SYNJ2BP: variants seen among roughly 807,000 people sequenced by gnomAD.
SYNJ2BP encodes the protein synaptojanin 2 binding protein.
SYNJ2BP carries 10 observed loss-of-function variants against 16.9 expected under a neutral mutation model. The observed-to-expected ratio is 0.59, with a 90% CI of 0.36 to 1.00. SYNJ2BP has a LOEUF of 1.00. Ranked by LOEUF, SYNJ2BP falls within the 50% of genes least tolerant of loss-of-function variation. SYNJ2BP has a pLI of 0.01. For missense variants in SYNJ2BP, 162 were observed against 186.7 expected (o/e 0.87, Z 0.77); for synonymous variants, 54 against 68.4 (o/e 0.79, Z 1.04).
chr14:70,391,003 C>A (rs1016681717), intron 1 of SYNJ2BP, among the ~76,000 whole-genome samples: 1 of 151,920 alleles, frequency 6.6e-6, no homozygotes, highest in Non-Finnish European at 1.5e-5. Flanking sequence ...CGCGTGGTGG[C>A]ACATGACCAA....
At chr14:70,398,222 A>T (rs1888149682) in intron 1 of SYNJ2BP, among the ~76,000 whole-genome samples, 1 of 152,178 alleles carries the variant, frequency 6.6e-6, no homozygotes, top group Admixed American at 6.5e-5. Context: ...AGCCACAGAC[A>T]GCCCAGAAAA....
At chr14:70,390,444 G>A (rs1887955884) in intron 1 of SYNJ2BP, among the ~76,000 whole-genome samples, 1 of 152,026 alleles carries the variant, frequency 6.6e-6, no homozygotes, top group Non-Finnish European at 1.5e-5. Context: ...CAAGGCAGGT[G>A]GATCACAAGG....
intron 1 of SYNJ2BP, among the ~76,000 whole-genome samples, chr14:70,390,674 A>AT (rs886733046): frequency 6.6e-4 from 100 of 151,760 alleles, no homozygotes; most frequent in African/African-American, 2.3e-3. Context: ...TCTCAAAAAA[A>AT]AAAATAAAAA....
rs1022475615 is a variant in SYNJ2BP at position 70,373,150 on chromosome 14, T to C, written c.298-19A>G. On this transcript the variant is annotated intron_variant, in intron 3 of 3. Transcript: ENST00000256366. ...CCTGTAACTGGAAGGGAAAGAAAAA[T>C]GTTAACTCTAGTGACTAATGTGTGT... The C allele has an allele frequency of 3.1e-6, 5 of 1,612,996 alleles. No individual in the cohort carries two copies. The highest frequency in any genetic ancestry group is 2.7e-5 in the African/African-American group (2 of 74,790).
chr14:70,387,061 TCCGAAGCCCTA>T (rs1328787940), intron 2 of SYNJ2BP, among the ~76,000 whole-genome samples: 21 of 152,178 alleles, frequency 1.4e-4, no homozygotes, highest in African/African-American at 5.1e-4. Context: ...AGGATAGGGC[TCCGAAGCCCTA>T]TCCTATTTCA....
At chr14:70,376,225 T>A (rs976269538) in intron 2 of SYNJ2BP, among the ~76,000 whole-genome samples, 2 of 152,236 alleles carry the variant, frequency 1.3e-5, no homozygotes, top group Non-Finnish European at 2.9e-5. Flanking sequence ...TTTATTTTGA[T>A]GTCATATAAA....
Position 70,367,571 on chromosome 14 carries a change from A to AG in SYNJ2BP, c.*5419_*5420insC, listed in dbSNP as rs1167307418. ...AGCAAGACTCCGTCTCAAAAAAAAA[A>AG]AAAAAAAAAAAAAAAAGAAAAGAAA... On this transcript the variant is annotated 3_prime_UTR_variant, in exon 4 of 4. Transcript: ENST00000256366. 2 of 150,852 alleles carry AG rather than the reference A, an allele frequency of 1.3e-5. No homozygotes were observed. The highest frequency in any genetic ancestry group is 2.9e-5 in the Non-Finnish European group (2 of 67,916). The allele number at this position is 150,852 out of a possible 1,614,324, so 9.3% of individuals were successfully genotyped here.
chr14:70,395,115 C>T (rs1262669491), intron 1 of SYNJ2BP, among the ~76,000 whole-genome samples: 1 of 152,178 alleles, frequency 6.6e-6, no homozygotes, highest in Admixed American at 6.5e-5. Flanking sequence ...GGTTGTAGAA[C>T]AATCTCCAAG....
At chr14:70,416,257 A>T (rs996094311) in intron 1 of SYNJ2BP, among the ~76,000 whole-genome samples, 11 of 152,128 alleles carry the variant, frequency 7.2e-5, no homozygotes, top group Admixed American at 2.0e-4. Context: ...AATAAATAAA[A>T]TAAATCTGTA....
At chr14:70,416,419 T>C (rs1258584675) in intron 1 of SYNJ2BP, among the ~76,000 whole-genome samples, 1 of 151,904 alleles carries the variant, frequency 6.6e-6, no homozygotes, top group Non-Finnish European at 1.5e-5. Flanking sequence ...TGCTTTAACA[T>C]TCTAGTTGAC....
At chr14:70,396,094 A>C (rs1416818629) in intron 1 of SYNJ2BP, among the ~76,000 whole-genome samples, 1 of 152,104 alleles carries the variant, frequency 6.6e-6, no homozygotes, top group East Asian at 1.9e-4. Context: ...GTGTACAAAT[A>C]TCTGTTTTGA....
At chr14:70,390,434 C>T (rs1425248526) in intron 1 of SYNJ2BP, among the ~76,000 whole-genome samples, 1 of 152,038 alleles carries the variant, frequency 6.6e-6, no homozygotes, top group Non-Finnish European at 1.5e-5. Context: ...TTTGGGAGGC[C>T]AAGGCAGGTG....
intron 1 of SYNJ2BP, among the ~76,000 whole-genome samples, chr14:70,391,814 A>G (rs140020733): frequency 2.9e-4 from 44 of 152,372 alleles, no homozygotes; most frequent in Middle Eastern, 3.4e-3. Flanking sequence ...AAGTCATATT[A>G]TATAGGTACA....
At chr14:70,410,276 T>TA (rs1443025407) in intron 1 of SYNJ2BP, among the ~76,000 whole-genome samples, 24 of 151,852 alleles carry the variant, frequency 1.6e-4, no homozygotes, top group Non-Finnish European at 3.2e-4. Flanking sequence ...ATAAAAACAT[T>TA]AATCAGGTGT....
chr14:70,397,900 C>A (rs1594954257), intron 1 of SYNJ2BP, among the ~76,000 whole-genome samples: 1 of 61,988 alleles, frequency 1.6e-5, no homozygotes, highest in Admixed American at 2.0e-4. Context: ...AGGAGCTTTA[C>A]TGAGTGACAG....
chr14:70,387,771 C>T (rs1024229384), intron 2 of SYNJ2BP, among the ~76,000 whole-genome samples: 9 of 148,342 alleles, frequency 6.1e-5, no homozygotes, highest in Admixed American at 4.1e-4. Context: ...GCAGAGGTTG[C>T]GGTGAGCCAA....
At chr14:70,386,562 T>C (rs1454091018) in intron 2 of SYNJ2BP, among the ~76,000 whole-genome samples, 2 of 152,202 alleles carry the variant, frequency 1.3e-5, no homozygotes, top group Non-Finnish European at 1.5e-5. Context: ...ACAGTCTTCC[T>C]GAAGAGGCAT....
chr14:70,396,050 GTGT>G (rs1251804926), intron 1 of SYNJ2BP, among the ~76,000 whole-genome samples: 1 of 152,156 alleles, frequency 6.6e-6, no homozygotes, highest in Non-Finnish European at 1.5e-5. Flanking sequence ...GAGGATATCT[GTGT>G]TGTTTCCACA....
At chr14:70,411,249 T>C (rs528093061) in intron 1 of SYNJ2BP, among the ~76,000 whole-genome samples, 1 of 152,278 alleles carries the variant, frequency 6.6e-6, no homozygotes, top group South Asian at 2.1e-4. Flanking sequence ...CCATTTCATC[T>C]CTTCCTTTTT....
Sources: allele counts gnomAD v4.1 joint callset (sites outside exome capture counted in the v4.1 genomes callset), GRCh38; gene constraint gnomAD v4.1.1; transcripts MANE v1.5; gene names NCBI Gene and HGNC (gene_info 2026-07-23, HGNC 2026-07-21).